The following PCDHA11 variants were observed in gnomAD, a reference collection of about 807,000 sequenced individuals.
PCDHA11 encodes the protein protocadherin alpha 11, also known as protocadherin alpha-11.
A neutral mutation model predicts 70.3 loss-of-function variants in PCDHA11; 61 were observed. The observed-to-expected ratio is 0.87, with a 90% CI of 0.71 to 1.07. PCDHA11 has a LOEUF of 1.07. PCDHA11 is among the 50% of genes least tolerant of loss of function. The pLI is 0.00. For synonymous variants in PCDHA11, 633 were observed against 555.1 expected (o/e 1.14, Z -1.97); for missense variants, 1,324 against 1,237.5 (o/e 1.07, Z -1.05).
intron 1 of PCDHA11, among the ~76,000 whole-genome samples, chr5:140,902,675 C>G (rs1554190566): frequency 1.3e-5 from 2 of 152,154 alleles, no homozygotes; most frequent in Admixed American, 1.3e-4. Flanking sequence ...GCAGTGTACA[C>G]CGTACCTAAT....
In PCDHA11 at chr5:140,870,229, C is replaced by A. The variant is rs781897836; in HGVS notation, c.1126C>A (p.Arg376Ser). The A allele has an allele frequency of 1.9e-6, 3 of 1,614,046 alleles. No homozygotes were observed. The highest frequency in any genetic ancestry group is 1.1e-5 in the South Asian group (1 of 91,086). ...CATTGCCCTGATCAGCGTGTCTGAC[C>A]GTGACTCAGGTGTCAACGGACAGGT... ...TVIALISVSD[R>S]DSGVNGQVTC... The change falls in exon 1 of 4, where the codon CGT becomes AGT. Residue 376 changes from arginine (R) to serine (S), a missense_variant. Physicochemically the swap from Arg to Ser is moderately radical, Grantham distance 110 (BLOSUM62 -1). Transcript: ENST00000398640.
intron 1 of PCDHA11, among the ~76,000 whole-genome samples, chr5:140,903,665 G>A (rs2070490056): frequency 6.6e-6 from 1 of 152,156 alleles, no homozygotes; most frequent in African/African-American, 2.4e-5. Context: ...AAATTTAACT[G>A]ATATAAAAGA....
In PCDHA11 at chr5:140,995,570, A is replaced by T. The variant is rs186345842; in HGVS notation, c.2539+13007A>T. ...TCACTGTACTGAATAATATGTCAAG[A>T]TGAGCTATGAGCTTTTAACTTAGTG... is the stretch of plus-strand genomic sequence containing the variant. On this transcript the variant is annotated intron_variant, in intron 3 of 3. Transcript: ENST00000398640. Among the ~76,000 whole-genome samples, 3 of 152,328 alleles carry T rather than the reference A, an allele frequency of 2.0e-5. No homozygotes were observed. In the East Asian group the frequency reaches 5.8e-4, roughly 29 times the overall value.
intron 1 of PCDHA11, chr5:140,967,191 A>G (rs781981464): frequency 6.2e-7 from 1 of 1,613,532 alleles, no homozygotes; most frequent in Non-Finnish European, 8.5e-7. Flanking sequence ...TTGGACATCA[A>G]CGACAACTCA....
chr5:140,948,468 CT>C (rs1173060430), intron 1 of PCDHA11, among the ~76,000 whole-genome samples: 1 of 151,468 alleles, frequency 6.6e-6, no homozygotes, highest in African/African-American at 2.4e-5. Flanking sequence ...GGGAAAGTTT[CT>C]GATAATAAAT....
At position 140,870,726 on chromosome 5, in the gene PCDHA11, G is replaced by A. The variant is rs782321328; in HGVS notation, c.1623G>A (p.Val541=). The A allele has an allele frequency of 9.3e-6, 15 of 1,613,118 alleles. No homozygotes were observed. Among genetic ancestry groups the A allele is most frequent in the East Asian group, 2.2e-5 (1 of 44,882 alleles). ...AGGTGAGCGCGCGCGATGCGGGCGT[G>A]CCGCCTCTGAGCAGCAACGTGACGC... ...QFQVSARDAG[V]PPLSSNVTLQ... The change falls in exon 1 of 4, where the codon GTG becomes GTA. Residue 541 remains valine (V), a synonymous_variant. Transcript: ENST00000398640.
At chr5:140,877,705 G>A (rs974017564) in intron 1 of PCDHA11, 1 of 1,614,016 alleles carries the variant, frequency 6.2e-7, no homozygotes, top group South Asian at 1.1e-5. Flanking sequence ...CTCCAGCGCC[G>A]TGGGGAGTTG....
At chr5:140,877,240 G>A (rs1481558429) in intron 1 of PCDHA11, 2 of 1,613,736 alleles carry the variant, frequency 1.2e-6, no homozygotes, top group Non-Finnish European at 1.7e-6. Context: ...TGCGGGCCAC[G>A]TGGTGGCGAA....
At chr5:140,948,752 C>T (rs246047) in intron 1 of PCDHA11, among the ~76,000 whole-genome samples, 85,413 of 151,184 alleles carry the variant, frequency 0.56, 24,715 homozygotes, top group African/African-American at 0.69. Context: ...ATCAATTTTG[C>T]TGATTTTTTT....
chr5:140,931,279 C>T (rs73793526), intron 1 of PCDHA11, among the ~76,000 whole-genome samples: 2,016 of 152,088 alleles, frequency 0.013, 37 homozygotes, highest in African/African-American at 0.046. Context: ...CTTTTATTTT[C>T]ATTGCTTTCT....
At chr5:140,880,493 T>C (rs910431574) in intron 1 of PCDHA11, among the ~76,000 whole-genome samples, 31 of 152,204 alleles carry the variant, frequency 2.0e-4, no homozygotes, top group African/African-American at 7.2e-4. Context: ...AAGAGAGCAA[T>C]TGAATTTCTG....
At chr5:140,890,707 T>A (rs1217575075) in intron 1 of PCDHA11, among the ~76,000 whole-genome samples, 1 of 152,206 alleles carries the variant, frequency 6.6e-6, no homozygotes, top group African/African-American at 2.4e-5. Context: ...CTTACATTTT[T>A]AAAATCTTTT....
At chr5:140,906,443 G>GAAATAA (rs1554192538) in intron 1 of PCDHA11, among the ~76,000 whole-genome samples, 1 of 152,068 alleles carries the variant, frequency 6.6e-6, no homozygotes, top group Non-Finnish European at 1.5e-5. Flanking sequence ...AACAAGAAAG[G>GAAATAA]AAATAAAATG....
At chr5:140,964,959 T>C (rs1330728069) in intron 1 of PCDHA11, among the ~76,000 whole-genome samples, 2 of 152,168 alleles carry the variant, frequency 1.3e-5, no homozygotes, top group African/African-American at 4.8e-5. Context: ...GCTTGGTTGG[T>C]GGAACGAAGG....
intron 1 of PCDHA11, among the ~76,000 whole-genome samples, chr5:140,894,384 T>A (rs1554186071): frequency 6.6e-6 from 1 of 152,046 alleles, no homozygotes; most frequent in Admixed American, 6.5e-5. Flanking sequence ...ATTATATTTG[T>A]ATTAGATATT....
chr5:140,982,609 G>A, intron 3 of PCDHA11, 46 bp downstream of exon 3: 1 of 1,600,864 alleles, frequency 6.2e-7, no homozygotes, highest in East Asian at 2.2e-5. Context: ...TCTGGAAAGT[G>A]ATCAGATGAC....
At chr5:140,978,672 G>C (rs2096816199) in intron 1 of PCDHA11, among the ~76,000 whole-genome samples, 1 of 152,256 alleles carries the variant, frequency 6.6e-6, no homozygotes, top group African/African-American at 2.4e-5. Context: ...TAAGAACACA[G>C]ACATGTATTG....
chr5:140,992,017 CTGTGTGTGTG>C (rs10602499), intron 3 of PCDHA11, among the ~76,000 whole-genome samples: 1 of 145,512 alleles, frequency 6.9e-6, no homozygotes, highest in Non-Finnish European at 1.5e-5. Context: ...AGAGGTGGCT[CTGTGTGTGTG>C]TGTGTGTGTG....
At chr5:140,962,384 A>G (rs1234630298) in intron 1 of PCDHA11, among the ~76,000 whole-genome samples, 7 of 152,202 alleles carry the variant, frequency 4.6e-5, no homozygotes, top group Non-Finnish European at 8.8e-5. Context: ...ATCTGTTAAT[A>G]TTACGCAATC....
Sources: allele counts gnomAD v4.1 joint callset (sites outside exome capture counted in the v4.1 genomes callset), GRCh38; gene constraint gnomAD v4.1.1; transcripts MANE v1.5; gene names NCBI Gene and HGNC (gene_info 2026-07-23, HGNC 2026-07-21).